The following SIL1 variants were observed in gnomAD, a reference collection of about 807,000 sequenced individuals.
The protein encoded by SIL1 is nucleotide exchange factor SIL1.
A neutral mutation model predicts 49.1 loss-of-function variants in SIL1; 40 were observed. The ratio of observed to expected loss-of-function variants is 0.81; its 90% CI spans 0.63 to 1.06. The LOEUF (loss-of-function observed/expected upper bound fraction) is 1.06. SIL1 is among the 50% of genes least tolerant of loss of function. The pLI, the probability that SIL1 is intolerant of heterozygous loss-of-function variation, is 0.00. For missense variants in SIL1, 500 were observed against 572.6 expected, an observed-to-expected ratio of 0.87 and a Z score of 1.29; for synonymous variants, 253 against 250.8, an observed-to-expected ratio of 1.01 and a Z score of -0.08.
intron 7 of SIL1, among the ~76,000 whole-genome samples, chr5:139,011,061 C>A (rs1199830324): frequency 0.012 from 1,864 of 150,746 alleles, 23 homozygotes; most frequent in African/African-American, 0.042. Context: ...CCTCCCCCAG[C>A]CTCGCTGCCG....
chr5:138,980,110 T>G (rs1236008106), intron 7 of SIL1, among the ~76,000 whole-genome samples: 1 of 152,214 alleles, frequency 6.6e-6, no homozygotes, highest in African/African-American at 2.4e-5. Context: ...GGCCTGTGTG[T>G]CAGCATGGCT....
intron 5 of SIL1, among the ~76,000 whole-genome samples, chr5:139,038,111 T>C (rs1768958941): frequency 6.6e-6 from 1 of 152,134 alleles, no homozygotes; most frequent in Non-Finnish European, 1.5e-5. Flanking sequence ...CTAAATCTAA[T>C]TACCTTCCAA....
chr5:138,970,382 G>A (rs935200256), intron 7 of SIL1, among the ~76,000 whole-genome samples: 2 of 152,178 alleles, frequency 1.3e-5, no homozygotes, highest in African/African-American at 4.8e-5. Context: ...CATGACATTA[G>A]CTATTTGGAA....
chr5:139,084,245 A>G (rs975263426), intron 3 of SIL1, among the ~76,000 whole-genome samples: 1 of 150,326 alleles, frequency 6.7e-6, no homozygotes, highest in Non-Finnish European at 1.5e-5. Flanking sequence ...AGGGATCTAG[A>G]ACTAGAAATA....
At chr5:139,145,997 T>A (rs866775806) in intron 1 of SIL1, among the ~76,000 whole-genome samples, 1 of 152,018 alleles carries the variant, frequency 6.6e-6, no homozygotes, top group African/African-American at 2.4e-5. Flanking sequence ...TGTATGTATA[T>A]GTATATGAGA....
At chr5:139,131,749 C>CAGAG (rs1750869093) in intron 1 of SIL1, 1 of 152,218 alleles carries the variant, frequency 6.6e-6, no homozygotes, top group Non-Finnish European at 1.5e-5. Flanking sequence ...ACTGGCCATC[C>CAGAG]CTGGGTGTGA....
chr5:139,109,600 T>C (rs1265664593), intron 3 of SIL1, among the ~76,000 whole-genome samples: 1 of 150,614 alleles, frequency 6.6e-6, no homozygotes, highest in Admixed American at 6.7e-5. Context: ...CAATGGACCA[T>C]GGGCTCCAAA....
At chr5:139,191,938 G>A (rs1010349641) in intron 1 of SIL1, among the ~76,000 whole-genome samples, 3 of 151,994 alleles carry the variant, frequency 2.0e-5, no homozygotes, top group Non-Finnish European at 4.4e-5. Context: ...AGCCAGGCGT[G>A]GTGGCAGGCG....
chr5:138,963,733 A>C (rs1302316623), intron 7 of SIL1, among the ~76,000 whole-genome samples: 4 of 152,262 alleles, frequency 2.6e-5, no homozygotes. Context: ...AAGATCTTTA[A>C]GAACAATTAG....
At chr5:139,022,470 G>C (rs1008888990) in intron 6 of SIL1, 2 of 152,252 alleles carry the variant, frequency 1.3e-5, no homozygotes, top group Admixed American at 6.5e-5. Flanking sequence ...GGTTTTGTCT[G>C]TCTGTCCACG....
At chr5:139,051,373 C>T (rs192327006) in intron 3 of SIL1, among the ~76,000 whole-genome samples, 24 of 152,296 alleles carry the variant, frequency 1.6e-4, no homozygotes, top group African/African-American at 5.3e-4. Flanking sequence ...CTTTGTGTTA[C>T]GTGCAGCAGG....
chr5:138,975,339 C>T (rs927757713), intron 7 of SIL1, among the ~76,000 whole-genome samples: 10 of 152,138 alleles, frequency 6.6e-5, no homozygotes, highest in South Asian at 4.1e-4. Flanking sequence ...CCCCCTGACA[C>T]GCCACCACTT....
chr5:139,172,996 A>G (rs1751805772), intron 1 of SIL1, among the ~76,000 whole-genome samples: 1 of 152,028 alleles, frequency 6.6e-6, no homozygotes. Context: ...TTGCAACACC[A>G]CATTTTGTTT....
At chr5:139,063,298 G>A (rs960465872) in intron 3 of SIL1, among the ~76,000 whole-genome samples, 2 of 152,162 alleles carry the variant, frequency 1.3e-5, no homozygotes, top group Non-Finnish European at 2.9e-5. Flanking sequence ...CCTTCCACCA[G>A]CCTAGGGGGC....
At chr5:139,057,181 GGAAGGCC>G (rs1488768501) in intron 3 of SIL1, among the ~76,000 whole-genome samples, 2 of 151,152 alleles carry the variant, frequency 1.3e-5, no homozygotes, top group Non-Finnish European at 1.5e-5. Context: ...CAAACACTGC[GGAAGGCC>G]GCAGAGTCCT....
intron 3 of SIL1, among the ~76,000 whole-genome samples, chr5:139,119,056 G>A (rs989211198): frequency 6.6e-6 from 1 of 152,162 alleles, no homozygotes; most frequent in South Asian, 2.1e-4. Context: ...CCAGCCTTTG[G>A]GACAACTCCA....
chr5:139,104,815 AGGCACAT>A (rs1045410986), intron 3 of SIL1, among the ~76,000 whole-genome samples: 1 of 152,212 alleles, frequency 6.6e-6, no homozygotes, highest in African/African-American at 2.4e-5. Context: ...ATGCAGCAGT[AGGCACAT>A]GGCAAGTACC....
At chr5:139,111,954 C>T (rs1003984486) in intron 3 of SIL1, among the ~76,000 whole-genome samples, 1 of 152,242 alleles carries the variant, frequency 6.6e-6, no homozygotes, top group African/African-American at 2.4e-5. Context: ...GCCTGATTCT[C>T]CTGCCTCAGC....
At chr5:139,008,050 C>T (rs1768162912) in intron 7 of SIL1, among the ~76,000 whole-genome samples, 1 of 152,012 alleles carries the variant, frequency 6.6e-6, no homozygotes, top group Non-Finnish European at 1.5e-5. Flanking sequence ...CAGTTCCTCC[C>T]TGTACCTCTG....
Sources: gnomAD v4.1 joint callset for allele counts (sites outside exome capture counted in the v4.1 genomes callset) on GRCh38, gnomAD v4.1.1 for gene constraint, MANE v1.5 for transcripts, NCBI Gene and HGNC (gene_info 2026-07-23, HGNC 2026-07-21) for gene names.